Variants in FRY observed in about 807,000 individuals in gnomAD.
FRY encodes FRY microtubule binding protein, also known as protein furry homolog.
FRY carries 128 observed loss-of-function variants against 348.4 expected under a neutral mutation model. That is an observed-to-expected ratio of 0.37 (90% CI 0.32 to 0.43). The LOEUF (loss-of-function observed/expected upper bound fraction) is 0.43. Ranked by LOEUF, FRY falls within the 20% of genes least tolerant of loss-of-function variation. The pLI is 1.00. For missense variants in FRY, 2,736 were observed against 3,695.2 expected, an observed-to-expected ratio of 0.74 and a Z score of 6.73; for synonymous variants, 1,370 against 1,374.7, an observed-to-expected ratio of 1.00 and a Z score of 0.08.
intron 56 of FRY, 115 bp downstream of exon 56, chr13:32,275,106 C>T (rs745609860): frequency 1.2e-4 from 109 of 942,140 alleles, no homozygotes; most frequent in Non-Finnish European, 1.7e-4. Context: ...TGGCCGGGTG[C>T]GGTGGCTCAA....
At position 32,261,723 on chromosome 13, in the gene FRY, T is replaced by C. The variant is rs745610045; in HGVS notation, c.7524T>C (p.Thr2508=). ...AGGAGCGCCAACTGTCAGGAAGCACTCCTAGCCTGAATAAAATGCACCATG... is the reference window on the plus strand; with the variant it reads ...AGGAGCGCCAACTGTCAGGAAGCACCCCTAGCCTGAATAAAATGCACCATG... ...ILEERQLSGS[T]PSLNKMHHED... The change falls in exon 52 of 61, where the codon ACT becomes ACC. Residue 2508 remains threonine, a synonymous_variant. Coordinates refer to ENST00000542859, the MANE Select transcript of FRY (RefSeq NM_023037.3). The C allele has an allele frequency of 6.8e-6, 11 of 1,613,970 alleles. No homozygotes were observed. The highest frequency in any genetic ancestry group is 6.7e-5 in the Admixed American group (4 of 59,994).
intron 2 of FRY, among the ~76,000 whole-genome samples, chr13:32,079,476 G>T (rs929248129): frequency 2.6e-5 from 4 of 152,114 alleles, no homozygotes; most frequent in African/African-American, 9.7e-5. Context: ...GAGAAGTTAA[G>T]GCCTTGGTAC....
chr13:32,140,739 C>T lies in FRY; in HGVS notation c.1179+3767C>T, dbSNP rs78527566. Among the ~76,000 whole-genome samples the T allele has an allele frequency of 8.8e-3, 1,345 of 152,168 alleles. 23 individuals are homozygous for T. The highest frequency in any genetic ancestry group is 0.031 in the African/African-American group (1,293 of 41,508). ...AAAAATCTCAAAACAAGTGTGGTTG[C>T]CATAAATATATTTGATGAAGCTTGT... On this transcript the variant is annotated intron_variant, in intron 11 of 60. Transcript: ENST00000542859.
At chr13:32,091,937 C>A (rs959065425) in intron 2 of FRY, among the ~76,000 whole-genome samples, 2 of 152,212 alleles carry the variant, frequency 1.3e-5, no homozygotes, top group Admixed American at 6.5e-5. Context: ...GCTACATCCA[C>A]TGTTGTAATA....
chr13:32,145,168 C>T (rs1158244883), intron 11 of FRY, among the ~76,000 whole-genome samples: 1 of 152,190 alleles, frequency 6.6e-6, no homozygotes, highest in Non-Finnish European at 1.5e-5. Flanking sequence ...GAGCCAGCTA[C>T]TGACTAGTCT....
At chr13:32,292,008 A>C (rs1249197819) in intron 59 of FRY, 1 of 452,644 alleles carries the variant, frequency 2.2e-6, no homozygotes, top group Admixed American at 2.4e-5. Context: ...TTTGAGATGT[A>C]GTTGCACTCT....
intron 2 of FRY, among the ~76,000 whole-genome samples, chr13:32,088,783 G>A (rs1876056856): frequency 6.6e-6 from 1 of 152,134 alleles, no homozygotes. Flanking sequence ...ATTCATTCAT[G>A]GATAAGGCCA....
chr13:32,147,268 G>A lies in FRY; in HGVS notation c.1180-14G>A. Reference sequence around the variant, plus strand: ...ATTTACATCTGCAGTCTTACATCTTGGTTTCTGTTATAGAACAAAGATCCC... The same window carrying A: ...ATTTACATCTGCAGTCTTACATCTTAGTTTCTGTTATAGAACAAAGATCCC... On this transcript the variant is annotated splice_polypyrimidine_tract_variant and intron_variant, in intron 11 of 60. Transcript: ENST00000542859. The A allele has an allele frequency of 6.8e-7, 1 of 1,479,176 alleles. No individual in the cohort carries two copies. The highest frequency in any genetic ancestry group is 1.1e-5 in the South Asian group (1 of 88,144). 91.6% of individuals were successfully genotyped at this position (1,479,176 alleles called of 1,614,324 possible). A position where few individuals can be genotyped will look rare whatever the true frequency, so the allele number is the denominator to read the frequency against.
intron 1 of FRY, among the ~76,000 whole-genome samples, chr13:32,052,701 C>T (rs1408492609): frequency 6.6e-6 from 1 of 152,126 alleles, no homozygotes; most frequent in South Asian, 2.1e-4. Flanking sequence ...ATAAAATTTA[C>T]AGTTGAAAAA....
At chr13:32,090,220 C>T (rs1482795103) in intron 2 of FRY, among the ~76,000 whole-genome samples, 1 of 151,512 alleles carries the variant, frequency 6.6e-6, no homozygotes, top group Non-Finnish European at 1.5e-5. Flanking sequence ...TGGTGGTGGG[C>T]GCCTGTAGTC....
chr13:32,123,791 C>G (rs17591809), intron 4 of FRY, among the ~76,000 whole-genome samples: 11,820 of 152,170 alleles, frequency 0.078, 509 homozygotes, highest in Middle Eastern at 0.099. Flanking sequence ...CAATGTTTGT[C>G]CACTGCAGCA....
At chr13:32,158,787 G>T (rs540497383) in intron 16 of FRY, among the ~76,000 whole-genome samples, 1 of 151,632 alleles carries the variant, frequency 6.6e-6, no homozygotes, top group Non-Finnish European at 1.5e-5. Context: ...GCATGGTGGC[G>T]TGCACCTGTA....
intron 11 of FRY, 102 bp downstream of exon 11, chr13:32,137,074 G>A (rs1879768156): frequency 2.6e-6 from 2 of 760,882 alleles, no homozygotes; most frequent in East Asian, 4.9e-5. Context: ...TTTGCCAGGG[G>A]AATTGTCCTA....
chr13:32,205,725 T>C (rs770907777), intron 31 of FRY, among the ~76,000 whole-genome samples: 7 of 151,872 alleles, frequency 4.6e-5, no homozygotes, highest in Admixed American at 2.0e-4. Flanking sequence ...CACTGATGAG[T>C]TGCAAACGAG....
At chr13:32,052,894 A>G (rs1185807299) in intron 1 of FRY, among the ~76,000 whole-genome samples, 1 of 152,190 alleles carries the variant, frequency 6.6e-6, no homozygotes, top group Non-Finnish European at 1.5e-5. Flanking sequence ...CAGGCAGATC[A>G]CCTGAGGTCA....
chr13:32,239,138 T>C lies in FRY; in HGVS notation c.6419-114T>C. Reference sequence around the variant, plus strand: ...TGTGTTAGATCATGTTTAAGCTGATTCAAAAAACTGCTTTTGCATCACCTC... The same window carrying C: ...TGTGTTAGATCATGTTTAAGCTGATCCAAAAAACTGCTTTTGCATCACCTC... On this transcript the variant is annotated intron_variant, in intron 44 of 60. Coordinates refer to ENST00000542859, the MANE Select transcript of FRY (RefSeq NM_023037.3). The surrounding 1 kb of genome is among the most constrained non-coding windows in gnomAD (Gnocchi z 4.3). 1.3e-6 allele frequency: 1 copy of C among 754,526 alleles called. No individual in the cohort carries two copies. Among genetic ancestry groups the C allele is most frequent in the East Asian group, 2.5e-5 (1 of 39,774 alleles). The allele number at this position is 754,526 out of a possible 1,614,324, so 46.7% of individuals were successfully genotyped here.
intron 51 of FRY, among the ~76,000 whole-genome samples, chr13:32,258,439 C>G (rs1214838913): frequency 1.3e-5 from 2 of 152,086 alleles, no homozygotes; most frequent in South Asian, 4.1e-4. Flanking sequence ...ATGGCGAAAC[C>G]CTGTCTCTAC....
At position 32,295,699 on chromosome 13, in the gene FRY, G is replaced by T. The variant is rs915390654; in HGVS notation, c.*239G>T. On this transcript the variant is annotated 3_prime_UTR_variant, in exon 61 of 61. Coordinates refer to ENST00000542859, the MANE Select transcript of FRY (RefSeq NM_023037.3). ...TCATCATGCTGTGTGGCACAAATGT[G>T]TTACATTTGACCGAGCATATGCAAC... 4 of 581,638 alleles carry T rather than the reference G, an allele frequency of 6.9e-6. No homozygotes were observed. Among genetic ancestry groups the T allele is most frequent in the Admixed American group, 3.0e-5 (1 of 33,332 alleles). The allele number at this position is 581,638 out of a possible 1,614,324, so 36.0% of individuals were successfully genotyped here.
At chr13:32,290,548 C>CA in intron 59 of FRY, among the ~76,000 whole-genome samples, 1 of 151,582 alleles carries the variant, frequency 6.6e-6, no homozygotes, top group Admixed American at 6.6e-5. Flanking sequence ...GAAGGTGCAC[C>CA]AAAAAAGAGC....
Sources: gnomAD v4.1 joint callset for allele counts (sites outside exome capture counted in the v4.1 genomes callset) on GRCh38, gnomAD v4.1.1 for gene constraint, Gnocchi (gnomAD v3.1) non-coding constraint, MANE v1.5 for transcripts, NCBI Gene and HGNC (gene_info 2026-07-23, HGNC 2026-07-21) for gene names.